Variants in PRSS23 observed in about 807,000 individuals in gnomAD.
The protein encoded by PRSS23 is protease, serine 23.
Under a neutral mutation model 34.7 loss-of-function variants are expected in PRSS23, and 25 were observed. The observed-to-expected ratio is 0.72, with a 90% CI of 0.53 to 1.01. PRSS23 has a LOEUF of 1.01. Ranked by LOEUF, PRSS23 falls within the 50% of genes least tolerant of loss-of-function variation. The pLI, the probability that PRSS23 is intolerant of heterozygous loss-of-function variation, is 0.00. For synonymous variants in PRSS23, 176 were observed against 186.6 expected, an observed-to-expected ratio of 0.94 and a Z score of 0.46; for missense variants, 445 against 475.6, an observed-to-expected ratio of 0.94 and a Z score of 0.60.
At chr11:86,934,060 T>A (rs1296004484) in intron 2 of PRSS23, 1 of 152,218 alleles carries the variant, frequency 6.6e-6, no homozygotes, top group Non-Finnish European at 1.5e-5. Flanking sequence ...TGTGTCACAC[T>A]CTATTTTTCA....
chr11:86,870,176 T>G (rs748054694), intron 2 of PRSS23, among the ~76,000 whole-genome samples: 80 of 152,024 alleles, frequency 5.3e-4, no homozygotes, highest in Non-Finnish European at 1.0e-3. Flanking sequence ...TGGATGGAAC[T>G]AGCATCCCAG....
At chr11:86,797,160 G>A (rs535559594), upstream of PRSS23, among the ~76,000 whole-genome samples, 1 of 152,322 alleles carries the variant, frequency 6.6e-6, no homozygotes, top group South Asian at 2.1e-4. Context: ...AAAAGTATTC[G>A]GGAATTACAA....
At chr11:86,800,741 G>A in intron 1 of PRSS23, 90 bp downstream of exon 1, 1 of 791,902 alleles carries the variant, frequency 1.3e-6, no homozygotes, top group Non-Finnish European at 1.5e-6. Flanking sequence ...GTATGCGCGG[G>A]GTAGGGTAAC....
intron 2 of PRSS23, among the ~76,000 whole-genome samples, chr11:86,838,832 C>A (rs1469352248): frequency 1.3e-5 from 2 of 152,128 alleles, no homozygotes; most frequent in Non-Finnish European, 2.9e-5. Flanking sequence ...GATGCCCAGG[C>A]AAACAGGTTC....
chr11:86,873,256 G>GTA (rs1555077271), intron 2 of PRSS23, among the ~76,000 whole-genome samples: 5 of 121,152 alleles, frequency 4.1e-5, no homozygotes, highest in South Asian at 2.7e-4. Flanking sequence ...ACATATATAT[G>GTA]TATATATATA....
chr11:86,823,599 T>A, intron 2 of PRSS23: 1 of 702,568 alleles, frequency 1.4e-6, no homozygotes, highest in Non-Finnish European at 2.6e-6. Flanking sequence ...AGGAGGTAAG[T>A]TCATATCAGA....
At chr11:86,812,801 A>T (rs1590874790), downstream of PRSS23, among the ~76,000 whole-genome samples, 1 of 149,848 alleles carries the variant, frequency 6.7e-6, no homozygotes, top group Admixed American at 6.7e-5. Flanking sequence ...AAAAAAAAAA[A>T]AAAGAAAAAG....
chr11:86,794,144 GATAAAT>G (rs770278955), intron 1 of PRSS23, among the ~76,000 whole-genome samples: 1 of 151,830 alleles, frequency 6.6e-6, no homozygotes, highest in Non-Finnish European at 1.5e-5. Context: ...AACATTTATG[GATAAAT>G]ATAAACAAAA....
chr11:86,939,154 T>G (rs369667191), intron 2 of PRSS23: 5 of 367,292 alleles, frequency 1.4e-5, no homozygotes, highest in Non-Finnish European at 2.7e-5. Flanking sequence ...ATGTCACTAC[T>G]TCTCAGGATT....
Position 86,808,790 on chromosome 11 carries a change from G to T in PRSS23, c.1147G>T (p.Gly383Trp). 1.2e-6 allele frequency: 2 copies of T among 1,602,640 alleles called. No individual in the cohort carries two copies. The highest frequency in any genetic ancestry group is 1.7e-6 in the Non-Finnish European group (2 of 1,172,926). ...IKGNYLDCRE[G>W] ...AGGAAACTACCTGGATTGTAGGGAG[G>T]GGTGACACAGTGTTCCCTCCTGGCA... is the stretch of plus-strand genomic sequence containing the variant. Residue 383 changes from glycine (G) to tryptophan (W), a missense_variant, in exon 2 of 2, where the codon GGG becomes TGG. By Grantham distance (184) the Gly-to-Trp change is radical. Coordinates refer to ENST00000280258, the MANE Select transcript of PRSS23 (RefSeq NM_007173.6).
intron 2 of PRSS23, chr11:86,836,736 C>A (rs1590887003): frequency 6.6e-6 from 1 of 152,300 alleles, no homozygotes; most frequent in South Asian, 2.1e-4. Context: ...AGACAATTAA[C>A]CTCCTGGCTG....
intron 2 of PRSS23, among the ~76,000 whole-genome samples, chr11:86,929,373 TGGCTC>T (rs1949108393): frequency 2.7e-5 from 4 of 150,078 alleles, no homozygotes; most frequent in Non-Finnish European, 5.9e-5. Context: ...CCGGGTGTAG[TGGCTC>T]ATGCCTATAA....
upstream of PRSS23, among the ~76,000 whole-genome samples, chr11:86,799,763 ACAAGGAGGTGG>A (rs1438946767): frequency 6.6e-6 from 1 of 150,972 alleles, no homozygotes; most frequent in East Asian, 2.0e-4. Flanking sequence ...GGCCCACTGG[ACAAGGAGGTGG>A]CTCCACCAGC....
intron 1 of PRSS23, chr11:86,821,805 C>T (rs549376757): frequency 1.7e-5 from 13 of 772,186 alleles, no homozygotes; most frequent in African/African-American, 5.2e-5. Context: ...CTGCCCCCTC[C>T]GCCATGACCA....
intron 2 of PRSS23, chr11:86,832,610 G>A: frequency 2.0e-6 from 1 of 495,234 alleles, no homozygotes; most frequent in Non-Finnish European, 4.0e-6. Context: ...CAGCATGGGG[G>A]TGATCACCGT....
intron 1 of PRSS23, among the ~76,000 whole-genome samples, chr11:86,807,349 A>G (rs867919375): frequency 6.6e-6 from 1 of 152,144 alleles, no homozygotes; most frequent in Non-Finnish European, 1.5e-5. Context: ...TAATGACTTT[A>G]TGCCTGCTAC....
intron 2 of PRSS23, among the ~76,000 whole-genome samples, chr11:86,879,561 C>G (rs1948755202): frequency 7.1e-6 from 1 of 141,270 alleles, no homozygotes; most frequent in African/African-American, 2.7e-5. Context: ...GGGTCAGCCC[C>G]CCGCCCGGCC....
chr11:86,948,282 A>C (rs1330807197), intron 2 of PRSS23: 1 of 152,152 alleles, frequency 6.6e-6, no homozygotes, highest in Non-Finnish European at 1.5e-5. Flanking sequence ...TCCCAGAGGA[A>C]CAGTAAAGTT....
chr11:86,793,272 G>A (rs1383369553), intron 1 of PRSS23, among the ~76,000 whole-genome samples: 1 of 152,096 alleles, frequency 6.6e-6, no homozygotes, highest in African/African-American at 2.4e-5. Flanking sequence ...TTTTTTTACA[G>A]GCAATTTATT....
Sources: allele counts gnomAD v4.1 joint callset (sites outside exome capture counted in the v4.1 genomes callset), GRCh38; gene constraint gnomAD v4.1.1; transcripts MANE v1.5; gene names NCBI Gene and HGNC (gene_info 2026-07-23, HGNC 2026-07-21).